Variants in CDH12 observed in about 807,000 individuals in gnomAD.
CDH12 encodes the protein cadherin 12, also known as cadherin-12.
In CDH12, 41 loss-of-function variants were observed where a neutral mutation model predicts 74.1. The ratio of observed to expected loss-of-function variants is 0.55; its 90% confidence interval spans 0.43 to 0.72. CDH12 has a LOEUF of 0.72. Among genes scored for constraint, CDH12 ranks in the 30% least tolerant of loss-of-function variants. The pLI, the probability that CDH12 is intolerant of heterozygous loss-of-function variation, is 0.00. For missense variants in CDH12, 945 were observed against 977.2 expected, an observed-to-expected ratio of 0.97 and a Z score of 0.44; for synonymous variants, 399 against 355.0, an observed-to-expected ratio of 1.12 and a Z score of -1.39.
chr5:21,859,629 C>T (rs1029599131), intron 6 of CDH12, among the ~76,000 whole-genome samples: 6 of 151,968 alleles, frequency 3.9e-5, no homozygotes, highest in South Asian at 2.1e-4. Context: ...CCTGTTTCTG[C>T]GACATTACAT....
At chr5:22,592,425 T>C (rs1288623797) in intron 1 of CDH12, among the ~76,000 whole-genome samples, 3 of 152,180 alleles carry the variant, frequency 2.0e-5, no homozygotes, top group African/African-American at 7.2e-5. Context: ...ATACCCAAGG[T>C]TGCCATCTTC....
In CDH12 at chr5:22,768,892, G is replaced by A. The variant is rs1012458093; in HGVS notation, c.-523+84166C>T. Among the ~76,000 whole-genome samples, 4 of 152,222 alleles carry A rather than the reference G, an allele frequency of 2.6e-5. No individual in the cohort carries two copies. In the South Asian group the frequency reaches 6.2e-4, roughly 24 times the overall value. ...TTCAAGTTAACACAGCTAATTAGATGTTCCTCTTCTAATATCATTATTTTA... is the reference window on the plus strand; with the variant it reads ...TTCAAGTTAACACAGCTAATTAGATATTCCTCTTCTAATATCATTATTTTA... On this transcript the variant is annotated intron_variant, in intron 1 of 14. Transcript: ENST00000382254.
intron 6 of CDH12, among the ~76,000 whole-genome samples, chr5:21,901,491 C>A (rs747837999): frequency 6.6e-6 from 1 of 152,178 alleles, no homozygotes. Flanking sequence ...ACTTCTATGA[C>A]ATTCTTTCCC....
chr5:22,078,704 A>G lies in CDH12; in HGVS notation c.-28T>C. 6.2e-7 allele frequency: 1 copy of G among 1,608,868 alleles called. No homozygotes were observed. Among genetic ancestry groups the G allele is most frequent in the South Asian group, 1.1e-5 (1 of 90,778 alleles). ...GCAAAGGCTTTCCTACAGCAGAGTA[A>G]TAAAAACTCCAACACTTAACGTAGA... is the stretch of plus-strand genomic sequence containing the variant. On this transcript the variant is annotated 5_prime_UTR_variant, in exon 5 of 15. Transcript: ENST00000382254.
At chr5:22,266,501 A>G (rs1736121645) in intron 3 of CDH12, among the ~76,000 whole-genome samples, 1 of 152,254 alleles carries the variant, frequency 6.6e-6, no homozygotes, top group East Asian at 1.9e-4. Flanking sequence ...ACATTTTACT[A>G]TATGATTAAA....
At chr5:22,776,643 T>A (rs1747119266) in intron 1 of CDH12, among the ~76,000 whole-genome samples, 1 of 152,156 alleles carries the variant, frequency 6.6e-6, no homozygotes, top group Admixed American at 6.6e-5. Flanking sequence ...ATAGGAATGA[T>A]CTGGGGGTTG....
chr5:22,679,889 C>A (rs1462471102), intron 1 of CDH12, among the ~76,000 whole-genome samples: 1 of 152,074 alleles, frequency 6.6e-6, no homozygotes, highest in African/African-American at 2.4e-5. Context: ...AAAGTAAAAT[C>A]TTTTTCTGCG....
intron 2 of CDH12, among the ~76,000 whole-genome samples, chr5:22,457,919 A>G (rs1032037645): frequency 1.3e-5 from 2 of 151,864 alleles, no homozygotes; most frequent in African/African-American, 4.8e-5. Flanking sequence ...TAATTTTTGT[A>G]ATTTTAGTAA....
chr5:21,766,543 T>C (rs555186706), intron 11 of CDH12, among the ~76,000 whole-genome samples: 1 of 152,086 alleles, frequency 6.6e-6, no homozygotes, highest in Admixed American at 6.5e-5. Flanking sequence ...TGCTTCATAG[T>C]GCTGTTGCAT....
At chr5:22,223,095 T>G (rs1017787077) in intron 3 of CDH12, among the ~76,000 whole-genome samples, 23 of 152,066 alleles carry the variant, frequency 1.5e-4, no homozygotes, top group African/African-American at 5.1e-4. Flanking sequence ...TAGCTAAGGG[T>G]CTCTATAAAG....
At chr5:22,217,340 T>C (rs1751841902) in intron 3 of CDH12, among the ~76,000 whole-genome samples, 1 of 151,770 alleles carries the variant, frequency 6.6e-6, no homozygotes, top group Non-Finnish European at 1.5e-5. Context: ...TAAAGGTAAC[T>C]TAATTAAAAT....
intron 4 of CDH12, among the ~76,000 whole-genome samples, chr5:22,134,814 A>T (rs1292935102): frequency 4.0e-5 from 6 of 148,736 alleles, no homozygotes; most frequent in Non-Finnish European, 7.4e-5. Flanking sequence ...CCCTGTCTCC[A>T]CATAAAAAGC....
At chr5:22,175,742 G>C (rs1236993693) in intron 4 of CDH12, among the ~76,000 whole-genome samples, 1 of 152,004 alleles carries the variant, frequency 6.6e-6, no homozygotes, top group Admixed American at 6.6e-5. Flanking sequence ...GTCTAATCAG[G>C]GTAAGGAGAG....
intron 6 of CDH12, among the ~76,000 whole-genome samples, chr5:21,905,723 C>T (rs887063618): frequency 3.6e-5 from 5 of 138,714 alleles, no homozygotes; most frequent in African/African-American, 1.0e-4. Context: ...ATTACCATCT[C>T]GGCAGAGAGA....
chr5:22,691,113 A>T (rs1321900218), intron 1 of CDH12, among the ~76,000 whole-genome samples: 1 of 152,190 alleles, frequency 6.6e-6, no homozygotes, highest in Non-Finnish European at 1.5e-5. Flanking sequence ...AAATTCAATA[A>T]AATCATAAAG....
At chr5:22,044,614 C>T (rs541756193) in intron 5 of CDH12, among the ~76,000 whole-genome samples, 6 of 152,180 alleles carry the variant, frequency 3.9e-5, no homozygotes, top group Admixed American at 1.3e-4. Flanking sequence ...GACAGAGAGC[C>T]AAAGTATATC....
At chr5:22,632,962 A>G (rs2126859239) in intron 1 of CDH12, among the ~76,000 whole-genome samples, 1 of 152,250 alleles carries the variant, frequency 6.6e-6, no homozygotes, top group South Asian at 2.1e-4. Context: ...GATAAATATA[A>G]ATTCTAAACT....
At chr5:22,042,766 TG>T (rs1420486200) in intron 5 of CDH12, among the ~76,000 whole-genome samples, 1 of 151,814 alleles carries the variant, frequency 6.6e-6, no homozygotes, top group Non-Finnish European at 1.5e-5. Context: ...GGTTTGTAAC[TG>T]TAGTCCAAGC....
chr5:21,994,537 G>A (rs1736155465), intron 5 of CDH12, among the ~76,000 whole-genome samples: 1 of 152,116 alleles, frequency 6.6e-6, no homozygotes. Flanking sequence ...TTGTATTCAA[G>A]TTTCACAGAT....
Sources: allele counts gnomAD v4.1 joint callset (sites outside exome capture counted in the v4.1 genomes callset), GRCh38; gene constraint gnomAD v4.1.1; transcripts MANE v1.5; gene names NCBI Gene and HGNC (gene_info 2026-07-23, HGNC 2026-07-21).